Variants in KPNA5 observed in about 807,000 individuals in gnomAD.
KPNA5 encodes the protein karyopherin subunit alpha 5, also known as importin subunit alpha-6.
In KPNA5, 46 loss-of-function variants were observed where a neutral mutation model predicts 71.3. The observed-to-expected ratio is 0.65, with a 90% CI of 0.51 to 0.83. KPNA5 has a LOEUF of 0.83. Ranked by LOEUF, KPNA5 falls within the 40% of genes least tolerant of loss-of-function variation. The pLI, the probability that KPNA5 is intolerant of heterozygous loss-of-function variation, is 0.00. For missense variants in KPNA5, 547 were observed against 628.3 expected, an observed-to-expected ratio of 0.87 and a Z score of 1.38; for synonymous variants, 207 against 201.4, an observed-to-expected ratio of 1.03 and a Z score of -0.24.
chr6:116,732,074 T>TTATATA (rs2243369), intron 13 of KPNA5, 62 bp from the exon 14 acceptor site: 967 of 67,242 alleles, frequency 0.014, 89 homozygotes, highest in Non-Finnish European at 0.02. Context: ...AACAGTTTGT[T>TTATATA]TATATATATA....
intron 8 of KPNA5, among the ~76,000 whole-genome samples, chr6:116,719,103 A>G (rs902119603): frequency 3.9e-5 from 6 of 152,100 alleles, no homozygotes; most frequent in Non-Finnish European, 8.8e-5. Context: ...CATTTCTACA[A>G]TCCTATTTTA....
Position 116,726,501 on chromosome 6 carries a change from A to G in KPNA5, c.1132A>G (p.Ile378Val). Reference protein sequence around the residue: ...AGNRAQIQAVIDANIFPVLIE... With the variant: ...AGNRAQIQAVVDANIFPVLIE... Reference sequence around the variant, plus strand: ...ATATTTTTCCCCCTCTCAGGCTGTTATAGATGCAAATATTTTTCCTGTTTT... The same window carrying G: ...ATATTTTTCCCCCTCTCAGGCTGTTGTAGATGCAAATATTTTTCCTGTTTT... Residue 378 changes from isoleucine (I) to valine (V), a missense_variant, in exon 12 of 14, where the codon ATA becomes GTA. Ile to Val is a conservative substitution (Grantham distance 29). Coordinates refer to ENST00000368564, the MANE Select transcript of KPNA5 (RefSeq NM_001366306.2). The G allele has an allele frequency of 1.2e-6, 2 of 1,610,632 alleles. No homozygotes were observed. The highest frequency in any genetic ancestry group is 1.7e-6 in the Non-Finnish European group (2 of 1,177,526).
At chr6:116,709,136 T>G (rs536306420) in intron 7 of KPNA5, among the ~76,000 whole-genome samples, 1 of 152,330 alleles carries the variant, frequency 6.6e-6, no homozygotes, top group South Asian at 2.1e-4. Flanking sequence ...TTAACACTAA[T>G]AGTTTTTTTG....
intron 7 of KPNA5, among the ~76,000 whole-genome samples, chr6:116,710,985 C>T (rs1222234546): frequency 2.0e-5 from 3 of 148,554 alleles, no homozygotes; most frequent in African/African-American, 7.4e-5. Flanking sequence ...CACTCTGCCT[C>T]CCGGGTTCAA....
chr6:116,684,154 C>T lies in KPNA5; in HGVS notation c.4+2816C>T, dbSNP rs116816433. The stretch of plus-strand genomic sequence containing the variant: ...TCTTGAACTCCTGACCTCAAGCGAT[C>T]GACTCTCCTTGGCCTTCTAAAGTGC... On this transcript the variant is annotated intron_variant, in intron 1 of 13. Transcript: ENST00000368564. Among the ~76,000 whole-genome samples the T allele has an allele frequency of 6.2e-3, 946 of 151,984 alleles. 11 individuals carry two copies. The highest frequency in any genetic ancestry group is 0.022 in the African/African-American group (894 of 41,460).
At chr6:116,711,866 C>CT (rs2114451533) in intron 7 of KPNA5, among the ~76,000 whole-genome samples, 1 of 152,302 alleles carries the variant, frequency 6.6e-6, no homozygotes, top group African/African-American at 2.4e-5. Context: ...CGTGAGCCAC[C>CT]TGCCTTGGTC....
Position 116,732,316 on chromosome 6 carries a change from A to C in KPNA5, c.1613A>C (p.Gln538Pro). ...CAGGAAGCACCAATGGATGGATTTC[A>C]ACTTTAACTTACTGGAGGAAAAAAA... is the stretch of plus-strand genomic sequence containing the variant. Reference protein sequence around the residue: ...QQQEAPMDGFQL With the variant: ...QQQEAPMDGFPL Residue 538 changes from glutamine to proline, a missense_variant, in exon 14 of 14, where the codon CAA becomes CCA. Coordinates refer to ENST00000368564, the MANE Select transcript of KPNA5 (RefSeq NM_001366306.2). 2.7e-6 allele frequency: 4 copies of C among 1,492,006 alleles called. No homozygotes were observed. The highest frequency in any genetic ancestry group is 3.6e-6 in the Non-Finnish European group (4 of 1,117,976). 92.4% of individuals were successfully genotyped at this position (1,492,006 alleles called of 1,614,324 possible).
chr6:116,694,645 G>A (rs113221832), intron 4 of KPNA5, among the ~76,000 whole-genome samples: 27,782 of 152,032 alleles, frequency 0.18, 2,711 homozygotes, highest in East Asian at 0.3. Flanking sequence ...GGGCTGAGAC[G>A]ATGGGGTTTT....
intron 11 of KPNA5, 31 bp downstream of exon 11, chr6:116,725,907 A>C: frequency 6.3e-7 from 1 of 1,596,510 alleles, no homozygotes; most frequent in Non-Finnish European, 8.5e-7. Flanking sequence ...AGAGTAGAAC[A>C]GCAAGGTCTA....
At chr6:116,724,199 T>C (rs943090003) in intron 9 of KPNA5, 98 bp from the exon 10 acceptor site, 25 of 680,318 alleles carry the variant, frequency 3.7e-5, no homozygotes, top group Non-Finnish European at 6.2e-5. Flanking sequence ...ATGGGATCTT[T>C]GGCTGAACAC....
intron 7 of KPNA5, among the ~76,000 whole-genome samples, chr6:116,715,964 A>G (rs1778869666): frequency 6.6e-6 from 1 of 151,992 alleles, no homozygotes; most frequent in Admixed American, 6.6e-5. Context: ...TTTAATATAT[A>G]TAGAAATAAG....
At chr6:116,718,553 A>G (rs1165563867) in intron 8 of KPNA5, among the ~76,000 whole-genome samples, 2 of 152,016 alleles carry the variant, frequency 1.3e-5, no homozygotes, top group Non-Finnish European at 2.9e-5. Flanking sequence ...GTGAGCCACC[A>G]TGCCTGGCCC....
At chr6:116,727,472 T>C (rs1415740183) in intron 12 of KPNA5, among the ~76,000 whole-genome samples, 1 of 152,106 alleles carries the variant, frequency 6.6e-6, no homozygotes, top group East Asian at 1.9e-4. Flanking sequence ...TACATTGTTT[T>C]AGGTATTATA....
intron 8 of KPNA5, 111 bp from the exon 9 acceptor site, chr6:116,722,015 G>A (rs1779124111): frequency 2.9e-6 from 2 of 696,310 alleles, no homozygotes; most frequent in South Asian, 7.3e-5. Flanking sequence ...TAAATTTTCT[G>A]GTATTTTTAT....
rs1202730367 is a variant in KPNA5 at position 116,734,873 on chromosome 6, GAA to G, written c.*2556_*2557del. ...ATTTAAATCCAAGAGAAACTATGCC[GAA>G]AAAAAGTGTTATAAAGAGGAATGCA... On this transcript the variant is annotated 3_prime_UTR_variant, in exon 14 of 14. Coordinates refer to ENST00000368564, the MANE Select transcript of KPNA5 (RefSeq NM_001366306.2). 2.6e-5 allele frequency: 4 copies of G among 151,456 alleles called. No individual in the cohort carries two copies. Among genetic ancestry groups the G allele is most frequent in the Non-Finnish European group, 4.4e-5 (3 of 67,654 alleles). 9.4% of individuals were successfully genotyped at this position (151,456 alleles called of 1,614,324 possible).
intron 1 of KPNA5, among the ~76,000 whole-genome samples, chr6:116,683,699 C>T (rs1163048433): frequency 4.0e-5 from 6 of 151,636 alleles, no homozygotes; most frequent in South Asian, 2.1e-4. Context: ...GTCTCCCTCC[C>T]GGGGTCTCCT....
chr6:116,702,043 A>G lies in KPNA5; in HGVS notation c.460A>G (p.Asn154Asp), dbSNP rs1177519237. The G allele has an allele frequency of 6.2e-7, 1 of 1,613,400 alleles. No individual in the cohort carries two copies. The highest frequency in any genetic ancestry group is 8.5e-7 in the Non-Finnish European group (1 of 1,179,832). ...GTTTGAAGCTGCATGGGCATTAACA[A>G]ATATAGCATCTGGAACTTTTCTGCA... ...LQFEAAWALTNIASGTFLHTK... is the reference protein window; with the variant it reads ...LQFEAAWALTDIASGTFLHTK... Residue 154 changes from asparagine (N) to aspartate (D), a missense_variant, in exon 6 of 14, where the codon AAT becomes GAT. Coordinates refer to ENST00000368564, the MANE Select transcript of KPNA5 (RefSeq NM_001366306.2).
intron 11 of KPNA5, 113 bp downstream of exon 11, chr6:116,725,989 A>G: frequency 8.4e-7 from 1 of 1,196,764 alleles, no homozygotes; most frequent in Non-Finnish European, 1.2e-6. Flanking sequence ...CCGAAAAAGT[A>G]TTTTAAAGAA....
At chr6:116,719,702 A>G (rs534808972) in intron 8 of KPNA5, among the ~76,000 whole-genome samples, 104 of 152,260 alleles carry the variant, frequency 6.8e-4, no homozygotes, top group African/African-American at 2.5e-3. Flanking sequence ...TTAAAAAATT[A>G]GCTGACTGTG....
Sources: allele counts gnomAD v4.1 joint callset (sites outside exome capture counted in the v4.1 genomes callset), GRCh38; gene constraint gnomAD v4.1.1; transcripts MANE v1.5; gene names NCBI Gene and HGNC (gene_info 2026-07-23, HGNC 2026-07-21).